Variants in MTA3 observed in about 807,000 individuals in gnomAD.
MTA3 encodes the protein metastasis-associated protein MTA3.
A neutral mutation model predicts 83.5 loss-of-function variants in MTA3; 34 were observed. That is an observed-to-expected ratio of 0.41 (90% CI 0.31 to 0.54). MTA3 has a LOEUF of 0.54. Among genes scored for constraint, MTA3 ranks in the 20% least tolerant of loss-of-function variants. The pLI, the probability that MTA3 is intolerant of heterozygous loss-of-function variation, is 0.33. For missense variants in MTA3, 761 were observed against 726.4 expected, an observed-to-expected ratio of 1.05 and a Z score of -0.55; for synonymous variants, 303 against 252.7, an observed-to-expected ratio of 1.20 and a Z score of -1.89.
At chr2:42,634,990 G>A (rs1687046844) in intron 4 of MTA3, among the ~76,000 whole-genome samples, 1 of 151,920 alleles carries the variant, frequency 6.6e-6, no homozygotes, top group South Asian at 2.1e-4. Flanking sequence ...GTTTATCATT[G>A]TTTTACCTTT....
chr2:42,541,836 TC>T (rs1676527627), intron 2 of MTA3, among the ~76,000 whole-genome samples: 1 of 152,164 alleles, frequency 6.6e-6, no homozygotes, highest in Admixed American at 6.6e-5. Context: ...TAATACCTAT[TC>T]AAACCACTTC....
chr2:42,584,575 C>G (rs546080645), intron 3 of MTA3, among the ~76,000 whole-genome samples: 2 of 150,580 alleles, frequency 1.3e-5, no homozygotes, highest in South Asian at 4.2e-4. Flanking sequence ...GAGTCTAGCT[C>G]TGTTGCCCAT....
At chr2:42,519,974 G>C (rs962274507) in intron 2 of MTA3, among the ~76,000 whole-genome samples, 15 of 151,580 alleles carry the variant, frequency 9.9e-5, no homozygotes, top group African/African-American at 3.6e-4. Context: ...CATAGGAGGT[G>C]GAGGTTGCAG....
At chr2:42,565,451 A>G (rs1286511107), upstream of MTA3, among the ~76,000 whole-genome samples, 1 of 150,520 alleles carries the variant, frequency 6.6e-6, no homozygotes, top group African/African-American at 2.4e-5. Flanking sequence ...TACAGGCGTG[A>G]GCCACCATGC....
At chr2:42,551,043 CTGACTAAA>C (rs1482398425) in intron 2 of MTA3, among the ~76,000 whole-genome samples, 59 of 144,404 alleles carry the variant, frequency 4.1e-4, no homozygotes, top group African/African-American at 1.5e-3. Context: ...GAACCAGACT[CTGACTAAA>C]TAAATAAATA....
At chr2:42,499,477 T>C (rs1674298705) in intron 2 of MTA3, among the ~76,000 whole-genome samples, 1 of 150,166 alleles carries the variant, frequency 6.7e-6, no homozygotes, top group African/African-American at 2.4e-5. Flanking sequence ...GGGTAGATCT[T>C]ATAGGTGTTC....
chr2:42,657,680 C>A (rs1689289877), intron 7 of MTA3, among the ~76,000 whole-genome samples: 1 of 150,910 alleles, frequency 6.6e-6, no homozygotes, highest in African/African-American at 2.4e-5. Context: ...GTAACCCCAG[C>A]ACTTTGGGAG....
At chr2:42,727,607 G>T (rs1667917942) in intron 16 of MTA3, among the ~76,000 whole-genome samples, 1 of 151,690 alleles carries the variant, frequency 6.6e-6, no homozygotes, top group Admixed American at 6.6e-5. Context: ...GTGCCATGGG[G>T]GGAAAAAGGG....
chr2:42,754,130 A>G lies in MTA3; in HGVS notation c.*731A>G. 1.0e-6 allele frequency: 1 copy of G among 985,468 alleles called. No homozygotes were observed. The highest frequency in any genetic ancestry group is 1.7e-5 in the African/African-American group (1 of 57,350). 61.0% of individuals were successfully genotyped at this position (985,468 alleles called of 1,614,324 possible). The stretch of plus-strand genomic sequence containing the variant: ...GTTCTGCCCGGCTCTGCTTGGTCAC[A>G]GACAGCTCCAGCAAGAGCAGTTGTT... On this transcript the variant is annotated 3_prime_UTR_variant, in exon 17 of 17. Coordinates refer to ENST00000405094, the MANE Select transcript of MTA3 (RefSeq NM_001330442.2).
chr2:42,536,952 A>T (rs1676274332), intron 2 of MTA3, among the ~76,000 whole-genome samples: 1 of 152,152 alleles, frequency 6.6e-6, no homozygotes, highest in African/African-American at 2.4e-5. Flanking sequence ...GGTGTAAGGA[A>T]AAAAGGTTTT....
At chr2:42,571,186 G>A (rs1038181875) in intron 2 of MTA3, among the ~76,000 whole-genome samples, 4 of 151,844 alleles carry the variant, frequency 2.6e-5, no homozygotes, top group African/African-American at 9.7e-5. Context: ...CTTGAGGTCA[G>A]GAGTTCAAGA....
At chr2:42,723,781 C>G (rs1057487864) in intron 16 of MTA3, among the ~76,000 whole-genome samples, 1 of 152,152 alleles carries the variant, frequency 6.6e-6, no homozygotes, top group Non-Finnish European at 1.5e-5. Context: ...TCTCTCCAGG[C>G]TTTTCATGCC....
At chr2:42,498,032 G>A (rs1478876953) in intron 2 of MTA3, among the ~76,000 whole-genome samples, 1 of 152,132 alleles carries the variant, frequency 6.6e-6, no homozygotes, top group African/African-American at 2.4e-5. Context: ...TTGCATAACT[G>A]GATGTGTTCG....
Position 42,626,645 on chromosome 2 carries a change from T to C in MTA3, c.318-13528T>C, listed in dbSNP as rs151140620. ...ACTTTGTCTTCAGGCAGTTGTGAAG[T>C]TGACTTTTCTAAGTCTTACCCTCTT... On this transcript the variant is annotated intron_variant, in intron 4 of 16. Transcript: ENST00000405094. Among the ~76,000 whole-genome samples, 671 of 152,334 alleles carry C rather than the reference T, an allele frequency of 4.4e-3. 5 individuals carry two copies. The highest frequency in any genetic ancestry group is 0.015 in the African/African-American group (603 of 41,578).
chr2:42,706,159 A>C (rs917542855), intron 12 of MTA3, among the ~76,000 whole-genome samples: 6 of 152,268 alleles, frequency 3.9e-5, no homozygotes, highest in African/African-American at 1.4e-4. Context: ...TAGCTTTAGG[A>C]GATATACCTA....
chr2:42,663,208 GA>G (rs1689895631), intron 8 of MTA3, among the ~76,000 whole-genome samples: 1 of 152,094 alleles, frequency 6.6e-6, no homozygotes, highest in South Asian at 2.1e-4. Context: ...AGTGCAAGTG[GA>G]AAAGCTTGTT....
chr2:42,616,132 C>G (rs1269011434), intron 4 of MTA3, among the ~76,000 whole-genome samples: 2 of 151,040 alleles, frequency 1.3e-5, no homozygotes, highest in Non-Finnish European at 1.5e-5. Context: ...GTGATCTCGG[C>G]TCACTGCAAC....
intron 16 of MTA3, among the ~76,000 whole-genome samples, chr2:42,730,708 C>T (rs887839095): frequency 6.6e-6 from 1 of 152,182 alleles, no homozygotes; most frequent in Admixed American, 6.5e-5. Flanking sequence ...CAGAGTAATA[C>T]TGGCCTTGCA....
At chr2:42,512,076 G>T (rs116105559) in intron 2 of MTA3, among the ~76,000 whole-genome samples, 5,734 of 150,358 alleles carry the variant, frequency 0.038, 145 homozygotes, top group South Asian at 0.092. Flanking sequence ...TATTTTCTGT[G>T]GAAACCTGAG....
Sources: gnomAD v4.1 joint callset for allele counts (sites outside exome capture counted in the v4.1 genomes callset) on GRCh38, gnomAD v4.1.1 for gene constraint, MANE v1.5 for transcripts, NCBI Gene and HGNC (gene_info 2026-07-23, HGNC 2026-07-21) for gene names.